EFCAB3: variants seen among roughly 807,000 people sequenced by gnomAD.
EFCAB3 encodes the protein EF-hand calcium-binding domain-containing protein 3.
EFCAB3 carries 36 observed loss-of-function variants against 42.2 expected under a neutral mutation model. The observed-to-expected ratio is 0.85, with a 90% confidence interval of 0.65 to 1.13. EFCAB3 has a LOEUF of 1.13. Ranked by LOEUF, EFCAB3 falls within the 50% of genes most tolerant of loss-of-function variation. The pLI is 0.00. For synonymous variants in EFCAB3, 170 were observed against 172.8 expected, an observed-to-expected ratio of 0.98 and a Z score of 0.13; for missense variants, 418 against 505.1, an observed-to-expected ratio of 0.83 and a Z score of 1.65.
At chr17:62,394,114 C>T (rs144368620) in intron 5 of EFCAB3, among the ~76,000 whole-genome samples, 2,971 of 152,100 alleles carry the variant, frequency 0.02, 96 homozygotes, top group African/African-American at 0.067. Context: ...CCACCATGCC[C>T]GGCTAATTTT....
upstream of EFCAB3, among the ~76,000 whole-genome samples, chr17:62,380,278 A>G (rs2070185557): frequency 6.6e-6 from 1 of 152,276 alleles, no homozygotes; most frequent in Non-Finnish European, 1.5e-5. Flanking sequence ...CTGGGATCAC[A>G]GGCATGAGCC....
At position 62,370,392 on chromosome 17, in the gene EFCAB3, C is replaced by CGAA. The variant is rs2070106423; in HGVS notation, c.34+71_34+72insAAG. The CGAA allele has an allele frequency of 3.4e-6, 5 of 1,460,170 alleles. No homozygotes were observed. The Admixed American group carries it at 9.8e-5, about 29-fold the overall frequency. The allele number at this position is 1,460,170 out of a possible 1,614,324, so 90.5% of individuals were successfully genotyped here. ...TTTTTGGGCTGGGCATGGTGATTCA[C>CGAA]GCCTGTAATCCCAGCACTTTGAGAT... On this transcript the variant is annotated intron_variant, in intron 1 of 11. Coordinates refer to the EFCAB3 transcript ENST00000450662.
rs2070522532 is a variant in EFCAB3 at position 62,413,966 on chromosome 17, T to C, written c.990+112T>C. The C allele has an allele frequency of 2.5e-6, 3 of 1,215,196 alleles. No individual in the cohort carries two copies. The East Asian group carries it at 7.2e-5, about 29-fold the overall frequency. 75.3% of individuals were successfully genotyped at this position (1,215,196 alleles called of 1,614,324 possible). On this transcript the variant is annotated intron_variant, in intron 9 of 9. Coordinates refer to ENST00000305286, the MANE Select transcript of EFCAB3 (RefSeq NM_173503.4). ...TTTTATCTGCTCTATGTCTTTAAAA[T>C]GAGACAAGGTTGTTTCTCATGTTTA...
In EFCAB3 at chr17:62,383,053, G is replaced by A. The variant is rs750515255; in HGVS notation, c.74G>A (p.Arg25Lys). ...LTKVPISHNKRDRDLPGSLQC... is the reference protein window; with the variant it reads ...LTKVPISHNKKDRDLPGSLQC... Reference sequence around the variant, plus strand: ...AAAGTACCCATCTCCCACAATAAAAGGTAGGTAATGAATGATTAAGGGTGA... The same window carrying A: ...AAAGTACCCATCTCCCACAATAAAAAGTAGGTAATGAATGATTAAGGGTGA... The change falls in exon 2 of 10, where the codon AGG (arginine) becomes AAG (lysine). Residue 25 changes from arginine (R) to lysine (K), a missense_variant and splice_region_variant. Coordinates refer to ENST00000305286, the MANE Select transcript of EFCAB3 (RefSeq NM_173503.4). 5.0e-6 allele frequency: 8 copies of A among 1,608,954 alleles called. No homozygotes were observed. Among genetic ancestry groups the A allele is most frequent in the East Asian group, 2.2e-5 (1 of 44,788 alleles).
intron 6 of EFCAB3, among the ~76,000 whole-genome samples, chr17:62,404,667 A>C (rs1258711241): frequency 6.6e-6 from 1 of 152,166 alleles, no homozygotes; most frequent in Admixed American, 6.5e-5. Context: ...ATGGTGGCGC[A>C]TGCCTTTAAT....
At chr17:62,401,130 A>C (rs1349497295) in intron 6 of EFCAB3, among the ~76,000 whole-genome samples, 1 of 151,806 alleles carries the variant, frequency 6.6e-6, no homozygotes, top group Non-Finnish European at 1.5e-5. Flanking sequence ...CTTTTTGATT[A>C]GGTTGTTTGA....
At chr17:62,373,187 C>T (rs568925204) in intron 1 of EFCAB3, among the ~76,000 whole-genome samples, 4 of 150,464 alleles carry the variant, frequency 2.7e-5, no homozygotes, top group African/African-American at 9.8e-5. Context: ...GTCTGAGGCA[C>T]GAGAATCACT....
chr17:62,407,665 C>T (rs1373346729), intron 8 of EFCAB3, among the ~76,000 whole-genome samples: 1 of 152,212 alleles, frequency 6.6e-6, no homozygotes, highest in Non-Finnish European at 1.5e-5. Flanking sequence ...GCTGCACCTT[C>T]TGGCCTTGCT....
At chr17:62,410,338 A>G (rs947982968) in intron 8 of EFCAB3, among the ~76,000 whole-genome samples, 2 of 152,226 alleles carry the variant, frequency 1.3e-5, no homozygotes, top group Non-Finnish European at 2.9e-5. Flanking sequence ...CCTGAGCAAC[A>G]TGGTGAAACC....
intron 6 of EFCAB3, chr17:62,397,383 G>C (rs541229897): frequency 2.7e-6 from 1 of 372,538 alleles, no homozygotes; most frequent in East Asian, 6.6e-5. Context: ...ACTCAGGCCC[G>C]TGGTGCCAGC....
chr17:62,408,370 T>C lies in EFCAB3; in HGVS notation c.867+1158T>C, dbSNP rs116037493. 5.3e-3 allele frequency among the ~76,000 whole-genome samples: 813 copies of C among 152,324 alleles called. 11 individuals are homozygous for C. Among genetic ancestry groups the C allele is most frequent in the African/African-American group, 0.017 (710 of 41,584 alleles). ...TCCTAAATGGTCCCCTTGCTTCTAC[T>C]ATTGTCCCCTTCAATCGATTCTCAA... On this transcript the variant is annotated intron_variant, in intron 8 of 9. Coordinates refer to ENST00000305286, the MANE Select transcript of EFCAB3 (RefSeq NM_173503.4).
At chr17:62,401,370 G>A (rs1372446075) in intron 6 of EFCAB3, among the ~76,000 whole-genome samples, 7 of 152,084 alleles carry the variant, frequency 4.6e-5, no homozygotes, top group African/African-American at 7.2e-5. Flanking sequence ...GCCCATGCCT[G>A]TGTCCTGAAT....
In EFCAB3 at chr17:62,395,115, C is replaced by T. The variant is rs759446660; in HGVS notation, c.415C>T (p.Leu139=). The part of the protein sequence containing the change: ...CLDLAGNPGI[L]LFEILSRLLE... ...AGATTTGGCTGGCAACCCAGGAATC[C>T]TATTGTTTGAAATCCTATCAAGGCT... Residue 139 remains leucine (L), a synonymous_variant, in exon 6 of 10, where the codon CTA becomes TTA. Transcript: ENST00000305286. The T allele has an allele frequency of 1.5e-5, 24 of 1,614,038 alleles. No homozygotes were observed. In the Middle Eastern group the frequency reaches 4.9e-4, roughly 33 times the overall value.
intron 9 of EFCAB3, among the ~76,000 whole-genome samples, chr17:62,414,604 T>G (rs1481715687): frequency 2.6e-5 from 4 of 152,124 alleles, no homozygotes; most frequent in African/African-American, 9.7e-5. Flanking sequence ...TGTGTGTGTG[T>G]GTGTGTGTTT....
intron 6 of EFCAB3, among the ~76,000 whole-genome samples, chr17:62,404,308 C>T (rs1044019479): frequency 6.6e-6 from 1 of 152,186 alleles, no homozygotes; most frequent in Non-Finnish European, 1.5e-5. Context: ...TCAAGACCTG[C>T]CTGGGCAATG....
upstream of EFCAB3, among the ~76,000 whole-genome samples, chr17:62,380,034 C>G (rs1332259014): frequency 1.3e-5 from 2 of 152,208 alleles, no homozygotes; most frequent in African/African-American, 4.8e-5. Context: ...AAAAGTCTCG[C>G]TCTGTCGCCC....
At chr17:62,380,551 C>G (rs561616025), upstream of EFCAB3, 1 of 985,296 alleles carries the variant, frequency 1.0e-6, no homozygotes, top group African/African-American at 1.7e-5. Context: ...TGGAACAAAC[C>G]CTTTATTGGA....
At chr17:62,399,740 C>T (rs1218146208) in intron 6 of EFCAB3, among the ~76,000 whole-genome samples, 2 of 152,068 alleles carry the variant, frequency 1.3e-5, no homozygotes, top group Admixed American at 6.6e-5. Flanking sequence ...CTTCTCTAAC[C>T]ACCCTGTTTA....
chr17:62,377,580 G>T (rs893414807), upstream of EFCAB3, among the ~76,000 whole-genome samples: 1 of 152,162 alleles, frequency 6.6e-6, no homozygotes, highest in African/African-American at 2.4e-5. Context: ...TCACTAGAAA[G>T]AAATATCTAT....
Sources: allele counts gnomAD v4.1 joint callset (sites outside exome capture counted in the v4.1 genomes callset), GRCh38; gene constraint gnomAD v4.1.1; transcripts MANE v1.5; gene names NCBI Gene and HGNC (gene_info 2026-07-23, HGNC 2026-07-21).